Variants in TTLL7 observed in about 807,000 individuals in gnomAD.
TTLL7 encodes the protein tubulin polyglutamylase TTLL7.
In TTLL7, 53 loss-of-function variants were observed where a neutral mutation model predicts 120.2. The ratio of observed to expected loss-of-function variants is 0.44; its 90% CI spans 0.35 to 0.55. The LOEUF (loss-of-function observed/expected upper bound fraction) is 0.55, where lower values mean the gene tolerates loss of function less well. TTLL7 is among the 20% of genes least tolerant of loss of function. The probability of loss-of-function intolerance (pLI) is 0.00; values close to 1 mark genes in which losing one functional copy is unlikely to be tolerated. For synonymous variants in TTLL7, 353 were observed against 351.7 expected, an observed-to-expected ratio of 1.00 and a Z score of -0.04; for missense variants, 803 against 1,054.7, an observed-to-expected ratio of 0.76 and a Z score of 3.31.
At chr1:83,894,749 A>G (rs1656068546) in intron 18 of TTLL7, among the ~76,000 whole-genome samples, 1 of 152,016 alleles carries the variant, frequency 6.6e-6, no homozygotes, top group African/African-American at 2.4e-5. Flanking sequence ...CTAAGAAGCA[A>G]TTTCCCAGAT....
chr1:83,889,864 T>A, intron 19 of TTLL7: 1 of 455,660 alleles, frequency 2.2e-6, no homozygotes, highest in Non-Finnish European at 4.4e-6. Context: ...CCAACTTGTA[T>A]GACTGAGAGA....
chr1:83,880,624 C>T (rs1268703783), intron 20 of TTLL7, among the ~76,000 whole-genome samples: 2 of 151,994 alleles, frequency 1.3e-5, no homozygotes, highest in Admixed American at 1.3e-4. Flanking sequence ...GTTTCAAAGT[C>T]ATGGCTTAAT....
rs368560768 is a variant in TTLL7, at chr1:83,945,339, G to T, written c.506+1785C>A. On this transcript the variant is annotated intron_variant, in intron 6 of 20. Coordinates refer to ENST00000260505, the MANE Select transcript of TTLL7 (RefSeq NM_024686.6). ...TTGCAATAAAACAGTAACCTGGAGTGGCAAAATTGTTACAAGAGACAAAGA... is the reference window on the plus strand; with the variant it reads ...TTGCAATAAAACAGTAACCTGGAGTTGCAAAATTGTTACAAGAGACAAAGA... Among the ~76,000 whole-genome samples, 148 of 152,210 alleles carry T rather than the reference G, an allele frequency of 9.7e-4. 2 individuals carry two copies. In the South Asian group the frequency reaches 0.029, roughly 29 times the overall value.
chr1:83,995,127 T>A (rs905539489), intron 1 of TTLL7, among the ~76,000 whole-genome samples: 4 of 152,186 alleles, frequency 2.6e-5, no homozygotes, highest in Admixed American at 2.0e-4. Flanking sequence ...CAGTCTTTAG[T>A]CTAATCAAAA....
chr1:83,981,077 C>A (rs1651909007), intron 1 of TTLL7: 1 of 150,024 alleles, frequency 6.7e-6, no homozygotes, highest in South Asian at 2.2e-4. Context: ...CCAAGTAATC[C>A]ACAGAAAGGC....
At chr1:83,881,680 C>T (rs1195517878) in intron 20 of TTLL7, among the ~76,000 whole-genome samples, 12 of 151,482 alleles carry the variant, frequency 7.9e-5, no homozygotes, top group Non-Finnish European at 1.6e-4. Context: ...GTCAGTGTGG[C>T]GATTCCTCAG....
intron 1 of TTLL7, among the ~76,000 whole-genome samples, chr1:83,975,402 A>G (rs1440287315): frequency 1.3e-5 from 2 of 152,112 alleles, no homozygotes; most frequent in African/African-American, 4.8e-5. Context: ...ATATTGCTTT[A>G]TTAGTTCTAT....
At chr1:83,872,038 A>G (rs1164141330) in intron 20 of TTLL7, among the ~76,000 whole-genome samples, 1 of 152,136 alleles carries the variant, frequency 6.6e-6, no homozygotes, top group Non-Finnish European at 1.5e-5. Context: ...TGATAATTCT[A>G]TGTCAATGGA....
intron 18 of TTLL7, chr1:83,900,108 C>A: frequency 2.4e-6 from 1 of 415,006 alleles, no homozygotes; most frequent in Non-Finnish European, 4.7e-6. Context: ...ATCATCCCAT[C>A]AATGTTTAAC....
chr1:83,889,249 C>G (rs1361653902), intron 19 of TTLL7, among the ~76,000 whole-genome samples: 2 of 152,128 alleles, frequency 1.3e-5, no homozygotes, highest in East Asian at 3.9e-4. Flanking sequence ...TAAGAATTCA[C>G]TCACTATCAA....
rs1229981756 is a variant in TTLL7, at chr1:83,998,914, C to CG, written c.-177+16dup. ...ATGGAAGGGGGTCGGGGGAGGATGG[C>CG]GGCAGCAGGTACTCACCCGGGTGAG... On this transcript the variant is annotated intron_variant, in intron 1 of 20. Transcript: ENST00000260505. 8 of 385,654 alleles carry CG rather than the reference C, an allele frequency of 2.1e-5. No homozygotes were observed. Among genetic ancestry groups the CG allele is most frequent in the Non-Finnish European group, 3.7e-5 (7 of 191,472 alleles). 23.9% of individuals were successfully genotyped at this position (385,654 alleles called of 1,614,324 possible).
In TTLL7 at chr1:83,865,150, C is replaced by G. The variant is rs923298957; in HGVS notation, c.*4812G>C. The G allele has an allele frequency of 2.0e-5, 3 of 151,984 alleles. No homozygotes were observed. Among genetic ancestry groups the G allele is most frequent in the African/African-American group, 4.8e-5 (2 of 41,402 alleles). The allele number at this position is 151,984 out of a possible 1,614,324, so 9.4% of individuals were successfully genotyped here. On this transcript the variant is annotated 3_prime_UTR_variant, in exon 21 of 21. Transcript: ENST00000260505. ...CTAATTGCACACTGTATTGACATTT[C>G]AAGCATATTTTCTGTAACAACATTT...
At chr1:83,950,258 T>C (rs1367380097) in intron 3 of TTLL7, among the ~76,000 whole-genome samples, 8 of 152,124 alleles carry the variant, frequency 5.3e-5, no homozygotes, top group Non-Finnish European at 1.0e-4. Context: ...GGTTTAGTGA[T>C]TATTTATGGC....
intron 15 of TTLL7, 97 bp downstream of exon 15, chr1:83,911,068 A>G (rs1657634945): frequency 1.0e-6 from 1 of 995,398 alleles, no homozygotes; most frequent in East Asian, 2.4e-5. Context: ...CCTCACACAC[A>G]ACAGGGTTCA....
At position 83,964,078 on chromosome 1, in the gene TTLL7, G is replaced by A. The variant is rs948416057; in HGVS notation, c.-176-11691C>T. On this transcript the variant is annotated intron_variant, in intron 1 of 20. Coordinates refer to ENST00000260505, the MANE Select transcript of TTLL7 (RefSeq NM_024686.6). ...AACTAGCTACAGAGTTAATTTCTTT[G>A]GAAAGAAACAAAATACTAATAGACT... is the stretch of plus-strand genomic sequence containing the variant. Among the ~76,000 whole-genome samples the A allele has an allele frequency of 5.9e-5, 9 of 152,092 alleles. No individual in the cohort carries two copies. In the East Asian group the frequency reaches 1.7e-3, roughly 29 times the overall value.
chr1:83,891,809 T>A (rs1655496861), intron 18 of TTLL7, among the ~76,000 whole-genome samples: 3 of 137,730 alleles, frequency 2.2e-5, no homozygotes, highest in Non-Finnish European at 4.6e-5. Flanking sequence ...AAAAATGTAC[T>A]AGAGACTATA....
At chr1:83,931,742 T>A (rs1659617166) in intron 9 of TTLL7, among the ~76,000 whole-genome samples, 1 of 152,162 alleles carries the variant, frequency 6.6e-6, no homozygotes, top group East Asian at 1.9e-4. Context: ...CCTAAAAAAA[T>A]GTTTTCTACT....
chr1:83,952,970 T>G (rs1001914915), intron 1 of TTLL7, among the ~76,000 whole-genome samples: 1 of 152,126 alleles, frequency 6.6e-6, no homozygotes, highest in Non-Finnish European at 1.5e-5. Flanking sequence ...AGGTCACATG[T>G]TGACAGAATG....
intron 20 of TTLL7, among the ~76,000 whole-genome samples, chr1:83,875,040 A>G (rs1399936301): frequency 1.3e-5 from 2 of 151,848 alleles, no homozygotes; most frequent in Non-Finnish European, 2.9e-5. Flanking sequence ...AAGGTATTTT[A>G]AAAAGTACAT....
Sources: allele counts gnomAD v4.1 joint callset (sites outside exome capture counted in the v4.1 genomes callset), GRCh38; gene constraint gnomAD v4.1.1; transcripts MANE v1.5; gene names NCBI Gene and HGNC (gene_info 2026-07-23, HGNC 2026-07-21).